Variants in PTPRD observed in about 807,000 individuals in gnomAD.
PTPRD encodes protein tyrosine phosphatase receptor type D.
In PTPRD, 34 loss-of-function variants were observed where a neutral mutation model predicts 214.5. The observed-to-expected ratio is 0.16, with a 90% CI of 0.12 to 0.21. The LOEUF (loss-of-function observed/expected upper bound fraction) is 0.21, where lower values mean the gene tolerates loss of function less well. Among genes scored for constraint, PTPRD ranks in the 10% least tolerant of loss-of-function variants. The pLI is 1.00. For synonymous variants in PTPRD, 1,128 were observed against 845.7 expected (o/e 1.33, Z -5.79); for missense variants, 2,545 against 2,398.7 (o/e 1.06, Z -1.27).
chr9:9,203,724 G>A (rs1182694297), intron 9 of PTPRD, among the ~76,000 whole-genome samples: 1 of 152,084 alleles, frequency 6.6e-6, no homozygotes, highest in Non-Finnish European at 1.5e-5. Context: ...TCTTCTTTAT[G>A]TGTTTTTGCA....
chr9:8,897,316 G>T (rs2098626801), intron 11 of PTPRD, among the ~76,000 whole-genome samples: 1 of 151,988 alleles, frequency 6.6e-6, no homozygotes, highest in East Asian at 1.9e-4. Flanking sequence ...TTTACAAAGA[G>T]ATGTTTTTTT....
intron 3 of PTPRD, among the ~76,000 whole-genome samples, chr9:10,274,060 T>C (rs1433760017): frequency 6.6e-6 from 1 of 152,090 alleles, no homozygotes; most frequent in Admixed American, 6.6e-5. Flanking sequence ...ATTTAATGGC[T>C]GTGGGTTTCT....
In PTPRD at chr9:9,079,516, T is replaced by C. The variant is rs77278680; in HGVS notation, c.-142-60781A>G. On this transcript the variant is annotated intron_variant, in intron 10 of 45. Transcript: ENST00000381196. ...TTCTTTGCTTTGGATAGATTCTCAGTAGGGGGATTGCTGGACAATATGTAG... is the reference window on the plus strand; with the variant it reads ...TTCTTTGCTTTGGATAGATTCTCAGCAGGGGGATTGCTGGACAATATGTAG... Among the ~76,000 whole-genome samples, 1,186 of 152,166 alleles carry C rather than the reference T, an allele frequency of 7.8e-3. 15 individuals carry two copies. The highest frequency in any genetic ancestry group is 0.027 in the African/African-American group (1,105 of 41,522).
intron 14 of PTPRD, among the ~76,000 whole-genome samples, chr9:8,549,173 A>G (rs1180690932): frequency 6.6e-6 from 1 of 152,152 alleles, no homozygotes; most frequent in African/African-American, 2.4e-5. Context: ...TATAATTATG[A>G]TCGTTGGAAG....
intron 2 of PTPRD, among the ~76,000 whole-genome samples, chr9:10,507,723 T>C (rs2046518152): frequency 6.6e-6 from 1 of 152,120 alleles, no homozygotes; most frequent in African/African-American, 2.4e-5. Context: ...TAATAAATGG[T>C]GCTGGGAAAA....
At chr9:8,577,393 T>A (rs1457178465) in intron 14 of PTPRD, among the ~76,000 whole-genome samples, 1 of 152,048 alleles carries the variant, frequency 6.6e-6, no homozygotes, top group Non-Finnish European at 1.5e-5. Context: ...GTAGCTGGGA[T>A]TATAGGCATG....
At chr9:9,940,075 G>A (rs768438265) in intron 4 of PTPRD, among the ~76,000 whole-genome samples, 1 of 152,138 alleles carries the variant, frequency 6.6e-6, no homozygotes, top group East Asian at 1.9e-4. Flanking sequence ...TTATAAAAGT[G>A]TGGGCTGTAT....
chr9:9,242,236 C>A (rs2099970719), intron 9 of PTPRD, among the ~76,000 whole-genome samples: 2 of 152,268 alleles, frequency 1.3e-5, no homozygotes, highest in African/African-American at 2.4e-5. Context: ...ATGGGCTTCC[C>A]TTTGTGAGTA....
intron 3 of PTPRD, among the ~76,000 whole-genome samples, chr9:10,271,120 G>C (rs56271319): frequency 0.082 from 12,460 of 152,118 alleles, 662 homozygotes; most frequent in Non-Finnish European, 0.11. Context: ...CATGGTGCCT[G>C]GCCTGGACCT....
intron 8 of PTPRD, among the ~76,000 whole-genome samples, chr9:9,419,171 G>GAT (rs757873948): frequency 0.011 from 1,449 of 134,328 alleles, 9 homozygotes; most frequent in Non-Finnish European, 0.018. Flanking sequence ...ACACAAGCAT[G>GAT]ATATATATAT....
chr9:9,910,317 A>G (rs2078831415), intron 5 of PTPRD, among the ~76,000 whole-genome samples: 2 of 151,912 alleles, frequency 1.3e-5, no homozygotes, highest in African/African-American at 4.8e-5. Context: ...TGTAATGTGA[A>G]TTTTTTCATC....
chr9:10,533,827 C>G (rs1244234236), intron 2 of PTPRD, among the ~76,000 whole-genome samples: 1 of 151,736 alleles, frequency 6.6e-6, no homozygotes. Context: ...TTCATCTGAA[C>G]ACTAGTGACC....
At position 9,995,668 on chromosome 9, in the gene PTPRD, T is replaced by C. The variant is rs150526586; in HGVS notation, c.-472+38050A>G. ...AGGCCTTAGAAGTAACTCCCTGCTGTTTCCACGTCTGAATGATTCTCTTTT... is the reference window on the plus strand; with the variant it reads ...AGGCCTTAGAAGTAACTCCCTGCTGCTTCCACGTCTGAATGATTCTCTTTT... On this transcript the variant is annotated intron_variant, in intron 4 of 45. Coordinates refer to ENST00000381196, the MANE Select transcript of PTPRD (RefSeq NM_002839.4). Among the ~76,000 whole-genome samples, 30 of 152,304 alleles carry C rather than the reference T, an allele frequency of 2.0e-4. 1 individual carries two copies. The East Asian group carries it at 4.8e-3, about 25-fold the overall frequency.
intron 10 of PTPRD, among the ~76,000 whole-genome samples, chr9:9,078,675 A>G (rs1001292319): frequency 6.6e-6 from 1 of 151,966 alleles, no homozygotes; most frequent in East Asian, 1.9e-4. Context: ...TTCTCAGGAG[A>G]TACAGCTGCA....
intron 14 of PTPRD, among the ~76,000 whole-genome samples, chr9:8,568,868 T>C (rs777903408): frequency 1.3e-5 from 2 of 151,904 alleles, no homozygotes; most frequent in Non-Finnish European, 2.9e-5. Context: ...AAAGTAAATA[T>C]GGTAATACTC....
intron 10 of PTPRD, among the ~76,000 whole-genome samples, chr9:9,148,742 TA>T (rs2099872849): frequency 6.6e-6 from 1 of 152,228 alleles, no homozygotes; most frequent in Non-Finnish European, 1.5e-5. Flanking sequence ...CATTCCACTC[TA>T]AGACAACGAA....
chr9:10,346,405 T>C (rs75469756), intron 2 of PTPRD, among the ~76,000 whole-genome samples: 21 of 152,108 alleles, frequency 1.4e-4, no homozygotes, highest in East Asian at 3.9e-4. Flanking sequence ...GAATTGAAAA[T>C]TGACACATAA....
intron 12 of PTPRD, among the ~76,000 whole-genome samples, chr9:8,639,510 A>C (rs2096527248): frequency 6.6e-6 from 1 of 152,346 alleles, no homozygotes; most frequent in Admixed American, 6.5e-5. Flanking sequence ...ATTTCTTGCA[A>C]GAACATGTGA....
At chr9:8,412,740 G>A (rs551631558) in intron 35 of PTPRD, among the ~76,000 whole-genome samples, 2 of 152,234 alleles carry the variant, frequency 1.3e-5, no homozygotes, top group East Asian at 1.9e-4. Context: ...GTATAAAACT[G>A]AGGCAACTGC....
Sources: allele counts gnomAD v4.1 joint callset (sites outside exome capture counted in the v4.1 genomes callset), GRCh38; gene constraint gnomAD v4.1.1; transcripts MANE v1.5; gene names NCBI Gene and HGNC (gene_info 2026-07-23, HGNC 2026-07-21).